CNTFR: variants seen among roughly 807,000 people sequenced by gnomAD.
CNTFR encodes ciliary neurotrophic factor receptor.
CNTFR carries 12 observed loss-of-function variants against 40.4 expected under a neutral mutation model. That is an observed-to-expected ratio of 0.30 (90% CI 0.19 to 0.48). CNTFR has a LOEUF of 0.48. Among genes scored for constraint, CNTFR ranks in the 20% least tolerant of loss-of-function variants. CNTFR has a pLI of 0.99. For missense variants in CNTFR, 414 were observed against 506.8 expected (o/e 0.82, Z 1.76); for synonymous variants, 202 against 209.6 (o/e 0.96, Z 0.31).
chr9:34,552,861 C>CGGA lies in CNTFR; in HGVS notation c.769-8_769-7insTCC, dbSNP rs750973166. On this transcript the variant is annotated splice_polypyrimidine_tract_variant and splice_region_variant and intron_variant, in intron 7 of 9. Transcript: ENST00000378980. The surrounding 1 kb of genome is among the most constrained non-coding windows in gnomAD (Gnocchi z 5.1). ...TGCCGTCGGACAGCTCCACCTGCAGCCAGACCATGGGGTGGGGGTAAGGAC... is the reference window on the plus strand; with the variant it reads ...TGCCGTCGGACAGCTCCACCTGCAGCGGACAGACCATGGGGTGGGGGTAAGGAC... 3 of 1,608,798 alleles carry CGGA rather than the reference C, an allele frequency of 1.9e-6. No individual in the cohort carries two copies. The African/African-American group carries it at 4.0e-5, about 21-fold the overall frequency.
At chr9:34,571,891 G>A (rs1413888311) in intron 2 of CNTFR, among the ~76,000 whole-genome samples, 2 of 152,016 alleles carry the variant, frequency 1.3e-5, no homozygotes, top group Admixed American at 6.5e-5. Flanking sequence ...AAGAGACGCA[G>A]GGGAAAAGAT....
chr9:34,588,034 T>A (rs1404392146), intron 1 of CNTFR, among the ~76,000 whole-genome samples: 1 of 152,144 alleles, frequency 6.6e-6, no homozygotes, highest in Non-Finnish European at 1.5e-5. Flanking sequence ...TGCATCTGAG[T>A]ATGGATTCCA....
Position 34,556,436 on chromosome 9 carries a change from C to A in CNTFR, c.605-18G>T. On this transcript the variant is annotated intron_variant, in intron 6 of 9. Coordinates refer to ENST00000378980, the MANE Select transcript of CNTFR (RefSeq NM_147164.3). ...AGGCTTCACTGTTCAGGAGACATAGCTTCATTACTACACTAATCACTGGCA... is the reference window on the plus strand; with the variant it reads ...AGGCTTCACTGTTCAGGAGACATAGATTCATTACTACACTAATCACTGGCA... The A allele has an allele frequency of 6.3e-7, 1 of 1,586,046 alleles. No homozygotes were observed. Among genetic ancestry groups the A allele is most frequent in the Admixed American group, 1.7e-5 (1 of 57,752 alleles).
At position 34,566,375 on chromosome 9, in the gene CNTFR, C is replaced by T. The variant is rs894688331; in HGVS notation, c.86-1543G>A. Reference sequence around the variant, plus strand: ...CTCATCTGTGGAGCCTGGGACCAGCCGAACAGACGATGAACGGGCGGAAGG... The same window carrying T: ...CTCATCTGTGGAGCCTGGGACCAGCTGAACAGACGATGAACGGGCGGAAGG... On this transcript the variant is annotated intron_variant, in intron 3 of 9. Coordinates refer to ENST00000378980, the MANE Select transcript of CNTFR (RefSeq NM_147164.3). Among the ~76,000 whole-genome samples the T allele has an allele frequency of 2.0e-5, 3 of 152,310 alleles. No individual in the cohort carries two copies. The East Asian group carries it at 5.8e-4, about 29-fold the overall frequency.
chr9:34,584,152 G>C (rs997712411), intron 1 of CNTFR, among the ~76,000 whole-genome samples: 1 of 152,148 alleles, frequency 6.6e-6, no homozygotes, highest in Non-Finnish European at 1.5e-5. Flanking sequence ...TCTTGAAATG[G>C]ATCCTACTGA....
At chr9:34,583,563 C>T (rs1827414284) in intron 1 of CNTFR, among the ~76,000 whole-genome samples, 1 of 152,138 alleles carries the variant, frequency 6.6e-6, no homozygotes, top group Non-Finnish European at 1.5e-5. Flanking sequence ...CAGGTGGCTC[C>T]GCCTGCCAAT....
Position 34,552,804 on chromosome 9 carries a change from C to T in CNTFR, c.819G>A (p.Gly273=). 1 of 1,613,662 alleles carries T rather than the reference C, an allele frequency of 6.2e-7. No homozygotes were observed. The highest frequency in any genetic ancestry group is 8.5e-7 in the Non-Finnish European group (1 of 1,179,932). Residue 273 remains glycine, a synonymous_variant, in exon 8 of 10, where the codon GGG becomes GGA. Coordinates refer to ENST00000378980, the MANE Select transcript of CNTFR (RefSeq NM_147164.3). This position sits in a 1 kb window ranked among gnomAD's most constrained non-coding sequence, Gnocchi z 5.1. ...CTGCCACCTGGATAATGTACTCCTTCCCGGCGTAGGCATCTGTGATGGTGT... is the reference window on the plus strand; with the variant it reads ...CTGCCACCTGGATAATGTACTCCTTTCCGGCGTAGGCATCTGTGATGGTGT... ...TAHTITDAYA[G]KEYIIQVAAK...
chr9:34,564,808 C>A lies in CNTFR; in HGVS notation c.110G>T (p.Arg37Leu). 6.2e-7 allele frequency: 1 copy of A among 1,613,670 alleles called. No individual in the cohort carries two copies. Among genetic ancestry groups the A allele is most frequent in the South Asian group, 1.1e-5 (1 of 91,046 alleles). The change falls in exon 4 of 10, where the codon CGC becomes CTC. Residue 37 changes from arginine to leucine, a missense_variant. Around this residue, in one of 3 missense-constraint regions of CNTFR, gnomAD observed 250 missense variants for 269.5 expected, o/e 0.93. Coordinates refer to ENST00000378980, the MANE Select transcript of CNTFR (RefSeq NM_147164.3). ...TGGCAGTGTCACGTCAGAGCCCAGG[C>A]GCTCGTACTGCACATGGGGTGCCTC... ...PQEAPHVQYE[R>L]LGSDVTLPCG...
intron 3 of CNTFR, among the ~76,000 whole-genome samples, chr9:34,565,966 T>C (rs1296969506): frequency 2.6e-5 from 4 of 151,914 alleles, no homozygotes; most frequent in African/African-American, 9.7e-5. Flanking sequence ...GGCTGCGGGA[T>C]CCCTCGTTAA....
chr9:34,556,219 C>T, intron 7 of CNTFR, 36 bp downstream of exon 7: 1 of 1,596,110 alleles, frequency 6.3e-7, no homozygotes, highest in Non-Finnish European at 8.5e-7. Flanking sequence ...GATTCTAACT[C>T]AGGCACCCAG....
chr9:34,563,787 C>T (rs1016418065), intron 4 of CNTFR, among the ~76,000 whole-genome samples: 18 of 152,208 alleles, frequency 1.2e-4, no homozygotes, highest in African/African-American at 4.3e-4. Context: ...TCAGCTTCCC[C>T]AGCTCCATGC....
chr9:34,565,600 G>A (rs931660452), intron 3 of CNTFR, among the ~76,000 whole-genome samples: 1 of 151,914 alleles, frequency 6.6e-6, no homozygotes, highest in Middle Eastern at 3.2e-3. Context: ...GGGATGGAGT[G>A]AGCACTCTGA....
chr9:34,565,181 GT>G (rs1826231779), intron 3 of CNTFR, among the ~76,000 whole-genome samples: 1 of 152,038 alleles, frequency 6.6e-6, no homozygotes, highest in Non-Finnish European at 1.5e-5. Context: ...CAGTCCCTGG[GT>G]TTTTTAAAGT....
intron 1 of CNTFR, among the ~76,000 whole-genome samples, chr9:34,584,620 C>A (rs141597267): frequency 6.6e-6 from 1 of 152,352 alleles, no homozygotes; most frequent in Non-Finnish European, 1.5e-5. Context: ...AGATGGGGTC[C>A]ATTCCTTCAG....
chr9:34,575,326 C>T (rs1564071182), intron 2 of CNTFR, among the ~76,000 whole-genome samples: 1 of 152,144 alleles, frequency 6.6e-6, no homozygotes, highest in Non-Finnish European at 1.5e-5. Context: ...GGGTACTGCT[C>T]CTCTTGTAGG....
rs1825697487 is a variant in CNTFR at position 34,552,909 on chromosome 9, A to G, written c.769-55T>C. The G allele has an allele frequency of 3.8e-6, 6 of 1,564,572 alleles. No individual in the cohort carries two copies. The highest frequency in any genetic ancestry group is 4.3e-6 in the Non-Finnish European group (5 of 1,153,788). ...GACACACCTGGGGGCCAGGAGGGTGAGGTCCCTCCAGAGGAAGTGAGCATG... is the reference window on the plus strand; with the variant it reads ...GACACACCTGGGGGCCAGGAGGGTGGGGTCCCTCCAGAGGAAGTGAGCATG... On this transcript the variant is annotated intron_variant, in intron 7 of 9. Coordinates refer to ENST00000378980, the MANE Select transcript of CNTFR (RefSeq NM_147164.3). This position sits in a 1 kb window ranked among gnomAD's most constrained non-coding sequence, Gnocchi z 5.1.
At position 34,556,112 on chromosome 9, in the gene CNTFR, A is replaced by T; in HGVS notation, c.768+143T>A. ...CTGCCTCAGCTCCATCCATTCTCCC[A>T]GGCCCACCTGTCCCTTTTCCCCGCA... is the stretch of plus-strand genomic sequence containing the variant. On this transcript the variant is annotated intron_variant, in intron 7 of 9. Transcript: ENST00000378980. 3 of 952,278 alleles carry T rather than the reference A, an allele frequency of 3.2e-6. No homozygotes were observed. In the South Asian group the frequency reaches 4.7e-5, roughly 15 times the overall value. The allele number at this position is 952,278 out of a possible 1,614,324, so 59.0% of individuals were successfully genotyped here. A position where few individuals can be genotyped will look rare whatever the true frequency, so the allele number is the denominator to read the frequency against.
intron 2 of CNTFR, among the ~76,000 whole-genome samples, chr9:34,570,996 G>A (rs549935186): frequency 2.0e-5 from 3 of 152,076 alleles, no homozygotes; most frequent in African/African-American, 7.2e-5. Context: ...GCCCCTCCCT[G>A]GCACAGTAAA....
At chr9:34,588,673 T>C (rs1229477220) in intron 1 of CNTFR, among the ~76,000 whole-genome samples, 1 of 152,146 alleles carries the variant, frequency 6.6e-6, no homozygotes, top group Non-Finnish European at 1.5e-5. Flanking sequence ...GAAATAGTCC[T>C]GCCCGCCTGA....
Sources: allele counts gnomAD v4.1 joint callset (sites outside exome capture counted in the v4.1 genomes callset), GRCh38; gene constraint gnomAD v4.1.1; regional missense constraint gnomAD v4.1.1; non-coding constraint Gnocchi (gnomAD v3.1); transcripts MANE v1.5; gene names NCBI Gene and HGNC (gene_info 2026-07-23, HGNC 2026-07-21).